Variants in SLC30A8 observed in about 807,000 individuals in gnomAD.
SLC30A8 encodes the protein proton-coupled zinc antiporter SLC30A8.
SLC30A8 carries 27 observed loss-of-function variants against 36.9 expected under a neutral mutation model. The observed-to-expected ratio is 0.73, with a 90% confidence interval of 0.54 to 1.01. SLC30A8 has a LOEUF of 1.01. Ranked by LOEUF, SLC30A8 falls within the 50% of genes least tolerant of loss-of-function variation. SLC30A8 has a pLI of 0.00. For missense variants in SLC30A8, 439 were observed against 452.0 expected (o/e 0.97, Z 0.26); for synonymous variants, 164 against 172.4 (o/e 0.95, Z 0.38).
chr8:117,065,850 G>A (rs1412669336), intron 2 of SLC30A8, among the ~76,000 whole-genome samples: 4 of 152,184 alleles, frequency 2.6e-5, no homozygotes, highest in Non-Finnish European at 5.9e-5. Context: ...AGGATCAGAT[G>A]TAGAGTTTTC....
At chr8:117,158,555 A>C (rs1279093175) in intron 4 of SLC30A8, among the ~76,000 whole-genome samples, 2 of 152,232 alleles carry the variant, frequency 1.3e-5, no homozygotes, top group African/African-American at 4.8e-5. Flanking sequence ...ATTCTCCCTT[A>C]AGTTTCAACC....
At chr8:117,063,595 A>G (rs955146868) in intron 2 of SLC30A8, among the ~76,000 whole-genome samples, 3 of 152,226 alleles carry the variant, frequency 2.0e-5, no homozygotes, top group African/African-American at 7.2e-5. Context: ...CTAGGTTTTT[A>G]GTCCACTTCC....
chr8:117,111,131 T>C (rs1254750726), intron 2 of SLC30A8, among the ~76,000 whole-genome samples: 1 of 152,140 alleles, frequency 6.6e-6, no homozygotes, highest in Admixed American at 6.5e-5. Context: ...TTTGTAGGTG[T>C]TTGTAATAAT....
chr8:117,076,368 A>G (rs1413231890), intron 2 of SLC30A8, among the ~76,000 whole-genome samples: 1 of 152,212 alleles, frequency 6.6e-6, no homozygotes, highest in Non-Finnish European at 1.5e-5. Context: ...CAAGACAACC[A>G]AAGGTAATCA....
At chr8:116,998,104 G>C (rs1462760352) in intron 1 of SLC30A8, among the ~76,000 whole-genome samples, 1 of 152,178 alleles carries the variant, frequency 6.6e-6, no homozygotes, top group Non-Finnish European at 1.5e-5. Flanking sequence ...AAAAGTTGAA[G>C]AGGAAATTCT....
At position 117,147,033 on chromosome 8, in the gene SLC30A8, T is replaced by A. The variant is rs1309409022; in HGVS notation, c.151T>A (p.Tyr51Asn). Residue 51 changes from tyrosine (Y) to asparagine (N), a missense_variant, in exon 2 of 8, where the codon TAC becomes AAC. Tyr to Asn is a moderately radical substitution (Grantham distance 143, BLOSUM62 -2). Coordinates refer to ENST00000456015, the MANE Select transcript of SLC30A8 (RefSeq NM_173851.3). The stretch of plus-strand genomic sequence containing the variant: ...AGAGGAGCTGGAGTCAGGAGGCATG[T>A]ACCACTGCCACAGTGGCTCCAAGCC... ...RPEELESGGM[Y>N]HCHSGSKPTE... The A allele has an allele frequency of 6.2e-7, 1 of 1,614,054 alleles. No homozygotes were observed. The highest frequency in any genetic ancestry group is 1.1e-5 in the South Asian group (1 of 91,078).
Position 117,172,616 on chromosome 8 carries a change from A to T in SLC30A8, c.1045A>T (p.Ile349Phe), listed in dbSNP as rs770224130. Residue 349 changes from isoleucine to phenylalanine, a missense_variant, in exon 8 of 8, where the codon ATT (isoleucine) becomes TTT (phenylalanine). Physicochemically the swap from Ile to Phe is conservative, Grantham distance 21. Transcript: ENST00000456015. ...SKSFTMHSLT[I>F]QMESPVDQDP... ...AAGCTTTACGATGCACTCACTCACCATTCAGATGGAATCTCCAGTTGACCA... is the reference window on the plus strand; with the variant it reads ...AAGCTTTACGATGCACTCACTCACCTTTCAGATGGAATCTCCAGTTGACCA... The T allele has an allele frequency of 1.0e-4, 164 of 1,613,620 alleles. 1 individual carries two copies. In the East Asian group the frequency reaches 3.6e-3, roughly 36 times the overall value.
intron 1 of SLC30A8, among the ~76,000 whole-genome samples, chr8:116,988,842 T>A (rs756989380): frequency 6.6e-6 from 1 of 152,244 alleles, no homozygotes; most frequent in Non-Finnish European, 1.5e-5. Flanking sequence ...CTCTGAATTA[T>A]CTCAGTGAGA....
intron 2 of SLC30A8, among the ~76,000 whole-genome samples, chr8:117,117,558 A>G (rs564582194): frequency 8.5e-5 from 13 of 152,152 alleles, no homozygotes; most frequent in Middle Eastern, 3.4e-3. Context: ...TTCAACTTTT[A>G]ATTATTTAAC....
chr8:116,983,163 A>G (rs180729324), intron 1 of SLC30A8, among the ~76,000 whole-genome samples: 2 of 152,280 alleles, frequency 1.3e-5, no homozygotes, highest in East Asian at 3.8e-4. Flanking sequence ...TTATAAAACC[A>G]TGTATTGAGA....
chr8:117,003,957 T>TA (rs1249506964), intron 1 of SLC30A8, among the ~76,000 whole-genome samples: 3 of 152,286 alleles, frequency 2.0e-5, no homozygotes, highest in African/African-American at 7.2e-5. Flanking sequence ...ATATTGAATG[T>TA]AAAAAAACCC....
intron 6 of SLC30A8, among the ~76,000 whole-genome samples, chr8:117,164,589 A>G (rs1822966710): frequency 6.6e-6 from 1 of 152,162 alleles, no homozygotes. Flanking sequence ...AATAAAATAA[A>G]TAAAAAAAGC....
chr8:117,117,616 A>G (rs765246515), intron 2 of SLC30A8, among the ~76,000 whole-genome samples: 1 of 151,990 alleles, frequency 6.6e-6, no homozygotes, highest in Non-Finnish European at 1.5e-5. Flanking sequence ...TTTATATTGT[A>G]ATGTTTTACA....
At chr8:117,168,234 C>T (rs902860904) in intron 6 of SLC30A8, among the ~76,000 whole-genome samples, 1 of 152,004 alleles carries the variant, frequency 6.6e-6, no homozygotes, top group Non-Finnish European at 1.5e-5. Flanking sequence ...ACCATTTCTA[C>T]CAAAGATACA....
intron 1 of SLC30A8, among the ~76,000 whole-genome samples, chr8:117,014,385 G>T (rs960272394): frequency 1.3e-5 from 2 of 152,190 alleles, no homozygotes; most frequent in African/African-American, 4.8e-5. Flanking sequence ...AATTCTCAAT[G>T]GGTTGGCCAA....
intron 2 of SLC30A8, among the ~76,000 whole-genome samples, chr8:117,108,661 T>G (rs537044327): frequency 2.0e-5 from 3 of 152,318 alleles, no homozygotes; most frequent in Admixed American, 1.3e-4. Context: ...TAGTGACAGA[T>G]AGAGGACTTC....
intron 1 of SLC30A8, among the ~76,000 whole-genome samples, chr8:117,028,038 C>G (rs1816926538): frequency 6.6e-6 from 1 of 152,186 alleles, no homozygotes; most frequent in African/African-American, 2.4e-5. Flanking sequence ...CCCAAGGACT[C>G]TAACTTTCTT....
In SLC30A8 at chr8:117,174,812, T is replaced by G. The variant is rs922993009; in HGVS notation, c.*2131T>G. 1 of 152,580 alleles carries G rather than the reference T, an allele frequency of 6.6e-6. No homozygotes were observed. The highest frequency in any genetic ancestry group is 2.4e-5 in the African/African-American group (1 of 41,444). The allele number at this position is 152,580 out of a possible 1,614,324, so 9.5% of individuals were successfully genotyped here. On this transcript the variant is annotated 3_prime_UTR_variant, in exon 8 of 8. Coordinates refer to ENST00000456015, the MANE Select transcript of SLC30A8 (RefSeq NM_173851.3). ...ATGGCCCCAGGGTATTTCTGTTGTT[T>G]CCCTGAAATTCTGCTTTTTTAGTCA... is the stretch of plus-strand genomic sequence containing the variant.
chr8:116,998,541 C>T (rs3020121), intron 1 of SLC30A8, among the ~76,000 whole-genome samples: 74,550 of 152,052 alleles, frequency 0.49, 18,740 homozygotes, highest in Non-Finnish European at 0.54. Flanking sequence ...GGTTGAAGAG[C>T]GTCCCCCAAA....
Sources: gnomAD v4.1 joint callset for allele counts (sites outside exome capture counted in the v4.1 genomes callset) on GRCh38, gnomAD v4.1.1 for gene constraint, MANE v1.5 for transcripts, NCBI Gene and HGNC (gene_info 2026-07-23, HGNC 2026-07-21) for gene names.